ARHGAP26: variants seen among roughly 807,000 people sequenced by gnomAD.
ARHGAP26 encodes the protein rho GTPase-activating protein 26.
ARHGAP26 carries 38 observed loss-of-function variants against 104.8 expected under a neutral mutation model. The observed-to-expected ratio is 0.36, with a 90% CI of 0.28 to 0.48. The LOEUF (loss-of-function observed/expected upper bound fraction) is 0.48, where lower values mean the gene tolerates loss of function less well. Ranked by LOEUF, ARHGAP26 falls within the 20% of genes least tolerant of loss-of-function variation. ARHGAP26 has a pLI of 0.99. For synonymous variants in ARHGAP26, 341 were observed against 340.0 expected, an observed-to-expected ratio of 1.00 and a Z score of -0.03; for missense variants, 704 against 947.9, an observed-to-expected ratio of 0.74 and a Z score of 3.38.
At chr5:142,848,593 T>G (rs1245838394) in intron 1 of ARHGAP26, among the ~76,000 whole-genome samples, 2 of 152,198 alleles carry the variant, frequency 1.3e-5, no homozygotes, top group Non-Finnish European at 2.9e-5. Flanking sequence ...ACATCATAGT[T>G]GTGTAGGTGG....
At chr5:143,178,279 C>T (rs1004534092) in intron 20 of ARHGAP26, among the ~76,000 whole-genome samples, 1 of 152,088 alleles carries the variant, frequency 6.6e-6, no homozygotes, top group Non-Finnish European at 1.5e-5. Context: ...AGATTACAGG[C>T]GTGAGCCACC....
At chr5:143,124,314 C>T (rs1254340787) in intron 18 of ARHGAP26, among the ~76,000 whole-genome samples, 5 of 152,202 alleles carry the variant, frequency 3.3e-5, no homozygotes, top group Admixed American at 6.5e-5. Context: ...ACTCCATTGA[C>T]GGAGAGACGA....
intron 10 of ARHGAP26, among the ~76,000 whole-genome samples, chr5:142,922,464 C>T (rs1349805123): frequency 6.6e-6 from 1 of 151,818 alleles, no homozygotes; most frequent in Non-Finnish European, 1.5e-5. Flanking sequence ...AAAAAATAAT[C>T]ATGAGAGTAT....
At chr5:142,960,869 T>C (rs1371647856) in intron 11 of ARHGAP26, among the ~76,000 whole-genome samples, 2 of 152,210 alleles carry the variant, frequency 1.3e-5, no homozygotes, top group Non-Finnish European at 2.9e-5. Context: ...TCTGCTGGTC[T>C]TCAGTGTTCT....
intron 11 of ARHGAP26, among the ~76,000 whole-genome samples, chr5:142,971,088 T>C (rs1405586579): frequency 6.6e-6 from 1 of 152,206 alleles, no homozygotes; most frequent in African/African-American, 2.4e-5. Context: ...GATACAAATT[T>C]GAAAATAATT....
At chr5:143,020,398 G>A (rs1780153143) in intron 12 of ARHGAP26, among the ~76,000 whole-genome samples, 1 of 152,094 alleles carries the variant, frequency 6.6e-6, no homozygotes, top group Admixed American at 6.5e-5. Context: ...TAGACAGATG[G>A]CCCAATTACA....
At chr5:143,139,617 A>G (rs565303259) in intron 19 of ARHGAP26, among the ~76,000 whole-genome samples, 1 of 152,128 alleles carries the variant, frequency 6.6e-6, no homozygotes, top group Non-Finnish European at 1.5e-5. Context: ...CTCCCCTCCA[A>G]ATCTAGCACC....
At chr5:143,174,332 G>A (rs1302583954) in intron 20 of ARHGAP26, among the ~76,000 whole-genome samples, 1 of 152,212 alleles carries the variant, frequency 6.6e-6, no homozygotes, top group Non-Finnish European at 1.5e-5. Context: ...TACTGTTAAG[G>A]AAAACAGTCA....
chr5:142,960,795 TG>T (rs1185515744), intron 11 of ARHGAP26, among the ~76,000 whole-genome samples: 6 of 152,220 alleles, frequency 3.9e-5, no homozygotes, highest in African/African-American at 1.4e-4. Flanking sequence ...GCAGCCCCAC[TG>T]GCCATTTTTC....
chr5:142,854,416 G>C (rs1752016484), intron 1 of ARHGAP26, among the ~76,000 whole-genome samples: 2 of 152,304 alleles, frequency 1.3e-5, no homozygotes, highest in South Asian at 4.1e-4. Flanking sequence ...TCTCCAGTAG[G>C]TTGTAGGTTT....
intron 1 of ARHGAP26, among the ~76,000 whole-genome samples, chr5:142,820,217 G>A (rs1765855230): frequency 6.6e-6 from 1 of 152,176 alleles, no homozygotes; most frequent in African/African-American, 2.4e-5. Flanking sequence ...AAGAGTTTCA[G>A]GAGACCCCAA....
intron 1 of ARHGAP26, among the ~76,000 whole-genome samples, chr5:142,849,531 G>A (rs887227147): frequency 5.3e-5 from 8 of 152,036 alleles, no homozygotes; most frequent in Non-Finnish European, 1.0e-4. Context: ...CCTTCTGAAC[G>A]TCCCTTCCTT....
intron 5 of ARHGAP26, 149 bp downstream of exon 5, chr5:142,885,548 G>A: frequency 1.6e-6 from 1 of 625,560 alleles, no homozygotes; most frequent in Non-Finnish European, 2.8e-6. Flanking sequence ...TCCAGTGCCT[G>A]ATGCCTGGAC....
At chr5:142,799,887 A>G (rs1761722752) in intron 1 of ARHGAP26, among the ~76,000 whole-genome samples, 1 of 152,204 alleles carries the variant, frequency 6.6e-6, no homozygotes, top group Non-Finnish European at 1.5e-5. Context: ...AGTGGCAACT[A>G]CATTTCAAAC....
At position 142,787,177 on chromosome 5, in the gene ARHGAP26, C is replaced by T. The variant is rs891532828; in HGVS notation, c.154+16262C>T. On this transcript the variant is annotated intron_variant, in intron 1 of 22. Transcript: ENST00000645722. ...ACTGCTTAGCCGTTCTGATGGGTAA[C>T]ATTTAGTGGCTTATTTTCTACCTCT... Among the ~76,000 whole-genome samples the T allele has an allele frequency of 2.0e-5, 3 of 152,276 alleles. No individual in the cohort carries two copies. The East Asian group carries it at 5.8e-4, about 29-fold the overall frequency.
At chr5:143,121,482 A>G (rs1796129401) in intron 18 of ARHGAP26, among the ~76,000 whole-genome samples, 1 of 152,228 alleles carries the variant, frequency 6.6e-6, no homozygotes, top group African/African-American at 2.4e-5. Flanking sequence ...AAGTACTCTT[A>G]TGAACCTCAT....
At chr5:143,009,765 T>C (rs539242479) in intron 11 of ARHGAP26, among the ~76,000 whole-genome samples, 1 of 152,342 alleles carries the variant, frequency 6.6e-6, no homozygotes, top group Admixed American at 6.5e-5. Context: ...AGACTATACC[T>C]ACATCAAAGT....
intron 11 of ARHGAP26, among the ~76,000 whole-genome samples, chr5:142,945,384 G>A (rs1226610600): frequency 2.6e-5 from 4 of 152,090 alleles, no homozygotes; most frequent in Admixed American, 6.5e-5. Context: ...TTTTGTTAAC[G>A]CTACACACAA....
chr5:143,180,841 C>T (rs1171795651), intron 20 of ARHGAP26, among the ~76,000 whole-genome samples: 1 of 152,162 alleles, frequency 6.6e-6, no homozygotes, highest in Non-Finnish European at 1.5e-5. Flanking sequence ...AAAACCATAT[C>T]CCAGATCTCC....
Sources: allele counts gnomAD v4.1 joint callset (sites outside exome capture counted in the v4.1 genomes callset), GRCh38; gene constraint gnomAD v4.1.1; transcripts MANE v1.5; gene names NCBI Gene and HGNC (gene_info 2026-07-23, HGNC 2026-07-21).